KCNK9: variants seen among roughly 807,000 people sequenced by gnomAD.
KCNK9 encodes the protein potassium channel subfamily K member 9.
Under a neutral mutation model 10.8 loss-of-function variants are expected in KCNK9, and 1 was observed. The ratio of observed to expected loss-of-function variants is 0.09; its 90% CI spans 0.03 to 0.44. KCNK9 has a LOEUF of 0.44. Among genes scored for constraint, KCNK9 ranks in the 20% least tolerant of loss-of-function variants. KCNK9 has a pLI of 0.97. For missense variants in KCNK9, 303 were observed against 515.0 expected (o/e 0.59, Z 3.98); for synonymous variants, 231 against 222.7 (o/e 1.04, Z -0.33).
At chr8:139,685,106 C>CA (rs10583808) in intron 1 of KCNK9, among the ~76,000 whole-genome samples, 1 of 151,344 alleles carries the variant, frequency 6.6e-6, no homozygotes, top group Non-Finnish European at 1.5e-5. Flanking sequence ...ACTTTATACA[C>CA]AAAAAAAGAA....
intron 1 of KCNK9, among the ~76,000 whole-genome samples, chr8:139,635,124 A>G (rs764306080): frequency 7.9e-5 from 12 of 152,246 alleles, no homozygotes; most frequent in Non-Finnish European, 1.6e-4. Flanking sequence ...ACTGCCATGC[A>G]TAGCTCCGCT....
Position 139,618,627 on chromosome 8 carries a change from C to T in KCNK9, c.756G>A (p.Glu252=), listed in dbSNP as rs1472001158. 4 of 1,614,202 alleles carry T rather than the reference C, an allele frequency of 2.5e-6. No homozygotes were observed. In the South Asian group the frequency reaches 4.4e-5, roughly 18 times the overall value. The part of the protein sequence containing the change: ...VVLRFLTMNS[E]DERRDAEERA... ...TCTCTTCAGCATCCCGCCGCTCATC[C>T]TCACTGTTCATGGTCAAGAACCTGA... Residue 252 remains glutamate (E), a synonymous_variant, in exon 2 of 2, where the codon GAG becomes GAA. Coordinates refer to ENST00000520439, the MANE Select transcript of KCNK9 (RefSeq NM_001282534.2). This position sits in a 1 kb window ranked among gnomAD's most constrained non-coding sequence, Gnocchi z 7.9.
chr8:139,650,709 C>G (rs1269780066), intron 1 of KCNK9, among the ~76,000 whole-genome samples: 1 of 152,150 alleles, frequency 6.6e-6, no homozygotes, highest in Non-Finnish European at 1.5e-5. Context: ...GAGTAAACTT[C>G]GACAACCACA....
At chr8:139,605,246 C>T (rs1306993086) in intron 2 of KCNK9, among the ~76,000 whole-genome samples, 1 of 152,196 alleles carries the variant, frequency 6.6e-6, no homozygotes, top group Non-Finnish European at 1.5e-5. Context: ...CAAAAATCAG[C>T]AAATCCGGTC....
At position 139,634,730 on chromosome 8, in the gene KCNK9, G is replaced by A. The variant is rs929856076; in HGVS notation, c.284-15631C>T. ...ACAGCTAGACATGGGAGGCTCGCAC[G>A]GGTGCCTCCTCCCGAGGTCATTTAC... On this transcript the variant is annotated intron_variant, in intron 1 of 1. Coordinates refer to ENST00000520439, the MANE Select transcript of KCNK9 (RefSeq NM_001282534.2). Among the ~76,000 whole-genome samples, 6 of 152,136 alleles carry A rather than the reference G, an allele frequency of 3.9e-5. 1 individual carries two copies. The South Asian group carries it at 8.3e-4, about 21-fold the overall frequency.
intron 1 of KCNK9, among the ~76,000 whole-genome samples, chr8:139,688,536 C>T (rs980514732): frequency 1.3e-5 from 2 of 152,214 alleles, no homozygotes; most frequent in African/African-American, 4.8e-5. Flanking sequence ...CCGATCACTT[C>T]CCTCCCTTGA....
chr8:139,602,727 CA>C (rs887229793), intron 2 of KCNK9, among the ~76,000 whole-genome samples: 14 of 152,182 alleles, frequency 9.2e-5, no homozygotes, highest in African/African-American at 3.4e-4. Flanking sequence ...CATTATAAAA[CA>C]AAGAAGTTCT....
At chr8:139,602,041 A>C (rs982979696) in intron 2 of KCNK9, 3 of 152,290 alleles carry the variant, frequency 2.0e-5, no homozygotes, top group African/African-American at 7.2e-5. Context: ...GGGCTTAGCC[A>C]CTGTCTTGAA....
In KCNK9 at chr8:139,617,352, T is replaced by C. The variant is rs1481279218; in HGVS notation, c.*906A>G. The stretch of plus-strand genomic sequence containing the variant: ...ACAATTCCAGTTGCATGGTAAATTG[T>C]TGGAACTGGAGGTGACAAAATTAAA... On this transcript the variant is annotated 3_prime_UTR_variant, in exon 2 of 2. Transcript: ENST00000520439. Among the ~76,000 whole-genome samples the C allele has an allele frequency of 6.6e-6, 1 of 152,200 alleles. No homozygotes were observed. The highest frequency in any genetic ancestry group is 1.5e-5 in the Non-Finnish European group (1 of 68,034).
intron 1 of KCNK9, among the ~76,000 whole-genome samples, chr8:139,656,278 C>T (rs552870172): frequency 2.0e-5 from 3 of 152,284 alleles, no homozygotes; most frequent in Admixed American, 6.5e-5. Flanking sequence ...AGGAGCAGCC[C>T]GAGCAGAGAG....
intron 1 of KCNK9, among the ~76,000 whole-genome samples, chr8:139,649,849 T>A (rs545076179): frequency 2.2e-4 from 33 of 152,252 alleles, no homozygotes; most frequent in African/African-American, 7.9e-4. Flanking sequence ...AAGAACAAAG[T>A]GGTACTGTCC....
At chr8:139,607,250 A>G (rs1482149909) in intron 2 of KCNK9, among the ~76,000 whole-genome samples, 1 of 152,058 alleles carries the variant, frequency 6.6e-6, no homozygotes, top group African/African-American at 2.4e-5. Context: ...GCTCCTTGGC[A>G]CTGCTTCTAG....
chr8:139,668,840 T>C (rs912060310), intron 1 of KCNK9, among the ~76,000 whole-genome samples: 1 of 152,232 alleles, frequency 6.6e-6, no homozygotes, highest in Non-Finnish European at 1.5e-5. Flanking sequence ...GAGGAAGGGC[T>C]GCACATGTCA....
chr8:139,625,676 T>G (rs922708386), intron 1 of KCNK9, among the ~76,000 whole-genome samples: 2 of 151,196 alleles, frequency 1.3e-5, no homozygotes, highest in South Asian at 4.2e-4. Context: ...GGAGAGGCTT[T>G]GCAGAGAAGC....
rs1816408126 is a variant in KCNK9 at position 139,670,763 on chromosome 8, A to C, written c.283+31947T>G. 6.6e-5 allele frequency among the ~76,000 whole-genome samples: 10 copies of C among 152,320 alleles called. No individual in the cohort carries two copies. The South Asian group carries it at 2.1e-3, about 32-fold the overall frequency. ...TTTTAACTCATCTGTATTTTCTTAT[A>C]TTTCTTACAATAATTATGTATTATT... On this transcript the variant is annotated intron_variant, in intron 1 of 1. Transcript: ENST00000520439.
intron 1 of KCNK9, among the ~76,000 whole-genome samples, chr8:139,629,757 C>T (rs1487434136): frequency 4.6e-5 from 7 of 152,148 alleles, no homozygotes; most frequent in Non-Finnish European, 8.8e-5. Context: ...CCAGATGGTG[C>T]AGAGAGAGAC....
At chr8:139,604,751 C>T (rs1157186835) in intron 2 of KCNK9, among the ~76,000 whole-genome samples, 1 of 152,200 alleles carries the variant, frequency 6.6e-6, no homozygotes, top group African/African-American at 2.4e-5. Context: ...CCATCTGTTT[C>T]CTGGATGAGC....
intron 1 of KCNK9, among the ~76,000 whole-genome samples, chr8:139,679,548 G>C (rs554416071): frequency 6.6e-6 from 1 of 152,356 alleles, no homozygotes; most frequent in Middle Eastern, 3.4e-3. Flanking sequence ...AAAGCTGAAG[G>C]GAGCTTAGCA....
At chr8:139,625,938 T>G (rs758959236) in intron 1 of KCNK9, among the ~76,000 whole-genome samples, 28 of 152,148 alleles carry the variant, frequency 1.8e-4, no homozygotes, top group Non-Finnish European at 3.8e-4. Context: ...TACCAGAAGC[T>G]TCCCAGCTTC....
Sources: gnomAD v4.1 joint callset for allele counts (sites outside exome capture counted in the v4.1 genomes callset) on GRCh38, gnomAD v4.1.1 for gene constraint, Gnocchi (gnomAD v3.1) non-coding constraint, MANE v1.5 for transcripts, NCBI Gene and HGNC (gene_info 2026-07-23, HGNC 2026-07-21) for gene names.